Variants in SOS1 observed in about 807,000 individuals in gnomAD.
SOS1 encodes son of sevenless homolog 1.
SOS1 carries 25 observed loss-of-function variants against 157.6 expected under a neutral mutation model. The ratio of observed to expected loss-of-function variants is 0.16; its 90% confidence interval spans 0.12 to 0.22. SOS1 has a LOEUF of 0.22. SOS1 is among the 10% of genes least tolerant of loss of function. SOS1 has a pLI of 1.00. For missense variants in SOS1, 1,237 were observed against 1,599.1 expected, an observed-to-expected ratio of 0.77 and a Z score of 3.86; for synonymous variants, 528 against 534.0, an observed-to-expected ratio of 0.99 and a Z score of 0.16.
chr2:39,010,737 T>A (rs1669438031), intron 14 of SOS1, 34 bp from the exon 15 acceptor site: 1 of 1,556,906 alleles, frequency 6.4e-7, no homozygotes, highest in Non-Finnish European at 8.9e-7. Context: ...TACATGACAC[T>A]TTTTTCTCTA....
intron 17 of SOS1, among the ~76,000 whole-genome samples, chr2:39,004,428 A>AG (rs1669219685): frequency 6.7e-6 from 1 of 150,310 alleles, no homozygotes; most frequent in East Asian, 1.9e-4. Flanking sequence ...AAAAAAAAAA[A>AG]GGAAGTCCCA....
At chr2:39,041,786 G>A (rs900024633) in intron 6 of SOS1, among the ~76,000 whole-genome samples, 1 of 151,884 alleles carries the variant, frequency 6.6e-6, no homozygotes, top group African/African-American at 2.4e-5. Flanking sequence ...CTTCCTTTCT[G>A]GTTTACTCTA....
At chr2:39,057,681 T>A (rs1389574200) in intron 3 of SOS1, among the ~76,000 whole-genome samples, 1 of 152,104 alleles carries the variant, frequency 6.6e-6, no homozygotes, top group East Asian at 1.9e-4. Flanking sequence ...AATTTAGGAT[T>A]ATTAACATAA....
chr2:39,029,289 A>C (rs1670076312), intron 8 of SOS1, among the ~76,000 whole-genome samples: 3 of 152,338 alleles, frequency 2.0e-5, no homozygotes, highest in East Asian at 3.9e-4. Context: ...CAGAGAAAAC[A>C]TCACTAACTA....
intron 1 of SOS1, among the ~76,000 whole-genome samples, chr2:39,081,609 A>C (rs2148170456): frequency 1.3e-5 from 2 of 150,034 alleles, no homozygotes; most frequent in South Asian, 2.1e-4. Flanking sequence ...CAGATTACCT[A>C]AGGTTAAGAG....
In SOS1 at chr2:39,013,488, T is replaced by C. The variant is rs752653086; in HGVS notation, c.2139A>G (p.Arg713=). The change falls in exon 13 of 23, where the codon CGA becomes CGG. Residue 713 remains arginine, a synonymous_variant. Coordinates refer to ENST00000402219, the MANE Select transcript of SOS1 (RefSeq NM_005633.4). ...TTACTGTTCCAATAAATTCTTCCAT[T>C]CGTTGCAAAAGATATGCATCTCTTT... The part of the protein sequence containing the change: ...DFERDAYLLQ[R]MEEFIGTVRG... 1 of 1,612,070 alleles carries C rather than the reference T, an allele frequency of 6.2e-7. No homozygotes were observed. The highest frequency in any genetic ancestry group is 1.1e-5 in the South Asian group (1 of 91,042).
chr2:38,997,385 G>A lies in SOS1; in HGVS notation c.2832C>T (p.Asn944=), dbSNP rs868472772. The A allele has an allele frequency of 6.2e-7, 1 of 1,611,358 alleles. No individual in the cohort carries two copies. Among genetic ancestry groups the A allele is most frequent in the Non-Finnish European group, 8.5e-7 (1 of 1,177,938 alleles). ...TTCCATGTCTTTTTAGGACCTCAGGGTTGCCTTCTTCTGTTTTCAAGATAT... is the reference window on the plus strand; with the variant it reads ...TTCCATGTCTTTTTAGGACCTCAGGATTGCCTTCTTCTGTTTTCAAGATAT... The part of the protein sequence containing the change: ...LTNILKTEEG[N]PEVLKRHGKE... The change falls in exon 18 of 23, where the codon AAC becomes AAT. Residue 944 remains asparagine (N), a synonymous_variant. Coordinates refer to ENST00000402219, the MANE Select transcript of SOS1 (RefSeq NM_005633.4).
intron 11 of SOS1, 139 bp downstream of exon 11, chr2:39,014,626 C>A: frequency 2.1e-6 from 1 of 483,014 alleles, no homozygotes; most frequent in Non-Finnish European, 3.8e-6. Flanking sequence ...AATAAATGTT[C>A]ATCTAAGAGA....
At chr2:39,016,960 TTTC>T (rs1469826279) in intron 10 of SOS1, among the ~76,000 whole-genome samples, 2 of 152,142 alleles carry the variant, frequency 1.3e-5, no homozygotes, top group Non-Finnish European at 2.9e-5. Context: ...CTTCTGGCCA[TTTC>T]AGTTCTTTAG....
chr2:38,997,489 A>AAGG, intron 17 of SOS1, 64 bp from the exon 18 acceptor site: 1 of 1,178,422 alleles, frequency 8.5e-7, no homozygotes, highest in Non-Finnish European at 1.3e-6. Context: ...TTTCTGTTTC[A>AAGG]TTAATTGTGG....
At chr2:39,034,261 A>G (rs1294006565) in intron 8 of SOS1, among the ~76,000 whole-genome samples, 1 of 152,240 alleles carries the variant, frequency 6.6e-6, no homozygotes, top group Non-Finnish European at 1.5e-5. Flanking sequence ...GAGACCTGAG[A>G]AAATGTAAGG....
At chr2:39,021,286 T>TA (rs1247503827) in intron 10 of SOS1, among the ~76,000 whole-genome samples, 3 of 151,598 alleles carry the variant, frequency 2.0e-5, no homozygotes, top group African/African-American at 4.8e-5. Context: ...TGTCCTCATT[T>TA]AAAAAAATAA....
chr2:39,080,637 A>G (rs949909150), intron 1 of SOS1, among the ~76,000 whole-genome samples: 3 of 152,232 alleles, frequency 2.0e-5, no homozygotes, highest in Admixed American at 2.0e-4. Flanking sequence ...GTAAACAAAA[A>G]TACTCCTATT....
In SOS1 at chr2:39,035,504, A is replaced by G. The variant is rs750788947; in HGVS notation, c.865-4T>C. On this transcript the variant is annotated splice_polypyrimidine_tract_variant and splice_region_variant and intron_variant, in intron 6 of 22. Coordinates refer to ENST00000402219, the MANE Select transcript of SOS1 (RefSeq NM_005633.4). ...CATATGGATCAAATGCCAGTTCCTT[A>G]GAAAATAAAGAAGGTAAAACATAAA... is the stretch of plus-strand genomic sequence containing the variant. 7 of 1,577,248 alleles carry G rather than the reference A, an allele frequency of 4.4e-6. No homozygotes were observed. The highest frequency in any genetic ancestry group is 6.1e-6 in the Non-Finnish European group (7 of 1,146,648).
chr2:39,078,349 G>T (rs541104482), intron 1 of SOS1, among the ~76,000 whole-genome samples: 6 of 152,174 alleles, frequency 3.9e-5, no homozygotes, highest in African/African-American at 1.2e-4. Context: ...CCCATTACTG[G>T]TGGGAATATA....
Position 39,021,546 on chromosome 2 carries a change from AAT to A in SOS1, c.1858+1022_1858+1023del, listed in dbSNP as rs796245799. Among the ~76,000 whole-genome samples the A allele has an allele frequency of 4.5e-3, 667 of 147,908 alleles. 6 individuals carry two copies. The highest frequency in any genetic ancestry group is 0.016 in the African/African-American group (641 of 39,688). ...ACAGGAAAAAAAAAAAAAAAAAAAA[AAT>A]TAAAACTTCTTTCTTACAAACACAG... is the stretch of plus-strand genomic sequence containing the variant. On this transcript the variant is annotated intron_variant, in intron 10 of 22. Coordinates refer to ENST00000402219, the MANE Select transcript of SOS1 (RefSeq NM_005633.4).
At chr2:39,012,514 C>T (rs1669500578) in intron 13 of SOS1, among the ~76,000 whole-genome samples, 166 bp from the exon 14 acceptor site, 1 of 152,098 alleles carries the variant, frequency 6.6e-6, no homozygotes, top group African/African-American at 2.4e-5. Flanking sequence ...ATTTCCCGGT[C>T]CCCAATCCTA....
At chr2:39,026,744 T>A (rs1305268212) in intron 8 of SOS1, among the ~76,000 whole-genome samples, 3 of 152,180 alleles carry the variant, frequency 2.0e-5, no homozygotes, top group Non-Finnish European at 4.4e-5. Flanking sequence ...GCAGATAATC[T>A]AACATTGAAA....
At chr2:39,046,261 C>T (rs1000548829) in intron 6 of SOS1, among the ~76,000 whole-genome samples, 22 of 151,816 alleles carry the variant, frequency 1.4e-4, no homozygotes, top group African/African-American at 4.1e-4. Flanking sequence ...TGGTGATTTT[C>T]GTACATGTTT....
Sources: gnomAD v4.1 joint callset for allele counts (sites outside exome capture counted in the v4.1 genomes callset) on GRCh38, gnomAD v4.1.1 for gene constraint, MANE v1.5 for transcripts, NCBI Gene and HGNC (gene_info 2026-07-23, HGNC 2026-07-21) for gene names.